The following PRRG1 variants were observed in gnomAD, a reference collection of about 807,000 sequenced individuals.
PRRG1 encodes proline rich and Gla domain 1.
In PRRG1, 5 loss-of-function variants were observed where a neutral mutation model predicts 11.8. The ratio of observed to expected loss-of-function variants is 0.42; its 90% CI spans 0.22 to 0.89. The LOEUF (loss-of-function observed/expected upper bound fraction) is 0.89, where lower values mean the gene tolerates loss of function less well. Ranked by LOEUF, PRRG1 falls within the 40% of genes least tolerant of loss-of-function variation. The probability of loss-of-function intolerance (pLI) is 0.28; values close to 1 mark genes in which losing one functional copy is unlikely to be tolerated. For missense variants in PRRG1, 155 were observed against 166.1 expected (o/e 0.93, Z 0.37); for synonymous variants, 66 against 60.4 (o/e 1.09, Z -0.43).
intron 1 of PRRG1, among the ~76,000 whole-genome samples, chrX:37,377,959 T>A (rs1556372871): frequency 9.0e-6 from 1 of 111,595 alleles, no homozygotes; most frequent in Non-Finnish European, 1.9e-5. Flanking sequence ...TGCAGCCTTT[T>A]TCTCCTTCAG....
chrX:37,395,377 G>A (rs782676633), intron 1 of PRRG1, among the ~76,000 whole-genome samples: 70 of 111,441 alleles, frequency 6.3e-4, no homozygotes, highest in African/African-American at 2.2e-3. Flanking sequence ...CACTTTGGGC[G>A]GCCAAGGCGG....
At chrX:37,375,411 C>T (rs202168755) in intron 1 of PRRG1, among the ~76,000 whole-genome samples, 2 of 111,115 alleles carry the variant, frequency 1.8e-5, no homozygotes, top group East Asian at 2.8e-4. Context: ...GAGTTTAACA[C>T]GCATGGATTC....
chrX:37,441,294 A>G, intron 3 of PRRG1: 1 of 759,942 alleles, frequency 1.3e-6, no homozygotes, highest in Non-Finnish European at 1.6e-6. Context: ...TTACTGCAAA[A>G]CTAAAAACTG....
chrX:37,452,528 A>G (rs1921180206), intron 3 of PRRG1, among the ~76,000 whole-genome samples: 1 of 112,147 alleles, frequency 8.9e-6, no homozygotes, highest in Non-Finnish European at 1.9e-5. Flanking sequence ...TAGCTTCTTC[A>G]CCAGCCTGAG....
Position 37,453,237 on chromosome X carries a change from C to T in PRRG1, c.273C>T (p.Leu91=), listed in dbSNP as rs1556397032. Residue 91 remains leucine (L), a synonymous_variant, in exon 4 of 4, where the codon CTC becomes CTT. Coordinates refer to ENST00000378628, the MANE Select transcript of PRRG1 (RefSeq NM_001142395.2). ...FYLTFPLIFG[L]FIILLVIFLI... ...TTACCTTTCCGTTAATCTTTGGCCT[C>T]TTCATTATCCTCCTTGTCATTTTCC... 8.3e-7 allele frequency: 1 copy of T among 1,210,756 alleles called. No homozygotes were observed. Among genetic ancestry groups the T allele is most frequent in the Middle Eastern group, 2.3e-4 (1 of 4,352 alleles).
intron 2 of PRRG1, among the ~76,000 whole-genome samples, chrX:37,410,088 AT>A (rs1556383364): frequency 8.9e-6 from 1 of 111,998 alleles, no homozygotes; most frequent in East Asian, 2.8e-4. Flanking sequence ...ACCAGTGTCC[AT>A]TGTGTGTGGC....
At chrX:37,443,530 A>G (rs1933023918) in intron 3 of PRRG1, among the ~76,000 whole-genome samples, 1 of 111,826 alleles carries the variant, frequency 8.9e-6, no homozygotes, top group South Asian at 3.8e-4. Flanking sequence ...AGCTCAGGGC[A>G]GCTAACATTT....
intron 2 of PRRG1, among the ~76,000 whole-genome samples, chrX:37,413,537 A>G (rs1480114869): frequency 9.0e-6 from 1 of 111,307 alleles, no homozygotes; most frequent in Non-Finnish European, 1.9e-5. Context: ...ATATGGTAAG[A>G]GTATGTTTAG....
chrX:37,451,566 A>C (rs1556396584), intron 3 of PRRG1, among the ~76,000 whole-genome samples: 1 of 111,902 alleles, frequency 8.9e-6, no homozygotes, highest in Non-Finnish European at 1.9e-5. Context: ...TCTAGACTCT[A>C]CTTTTTCTTC....
intron 1 of PRRG1, among the ~76,000 whole-genome samples, chrX:37,371,140 T>C: frequency 9.0e-6 from 1 of 111,711 alleles, no homozygotes; most frequent in East Asian, 2.8e-4. Context: ...ACTCATGGAC[T>C]AGTTAGTCAG....
chrX:37,374,981 G>A (rs1451576012), intron 1 of PRRG1, among the ~76,000 whole-genome samples: 1 of 111,698 alleles, frequency 9.0e-6, no homozygotes, highest in Non-Finnish European at 1.9e-5. Context: ...GGATTAAGCT[G>A]TGTTTAGTAT....
At chrX:37,438,781 G>A (rs978038802) in intron 3 of PRRG1, among the ~76,000 whole-genome samples, 11 of 111,284 alleles carry the variant, frequency 9.9e-5, no homozygotes, top group African/African-American at 3.3e-4. Flanking sequence ...TCTTCAATTC[G>A]TGCTATGTTA....
intron 1 of PRRG1, among the ~76,000 whole-genome samples, chrX:37,360,389 G>A (rs1185862136): frequency 9.0e-6 from 1 of 111,229 alleles, no homozygotes; most frequent in Non-Finnish European, 1.9e-5. Flanking sequence ...ATTTCTCTTG[G>A]GATTTTTTTC....
chrX:37,414,718 ACT>A (rs1932440599), intron 2 of PRRG1, among the ~76,000 whole-genome samples: 1 of 112,784 alleles, frequency 8.9e-6, no homozygotes, highest in East Asian at 2.8e-4. Context: ...AGATTCAATG[ACT>A]CTCAAAGATC....
At chrX:37,434,447 A>G (rs1242408925) in intron 3 of PRRG1, among the ~76,000 whole-genome samples, 1 of 112,069 alleles carries the variant, frequency 8.9e-6, no homozygotes, top group Non-Finnish European at 1.9e-5. Flanking sequence ...GGCTTATATG[A>G]GCATGCTGTA....
intron 2 of PRRG1, among the ~76,000 whole-genome samples, chrX:37,425,411 A>G (rs1932760591): frequency 9.0e-6 from 1 of 111,570 alleles, no homozygotes; most frequent in Admixed American, 9.6e-5. Flanking sequence ...TTATATTACT[A>G]GGTCAACTGA....
At chrX:37,360,527 AT>A (rs1930378127) in intron 1 of PRRG1, among the ~76,000 whole-genome samples, 2 of 112,151 alleles carry the variant, frequency 1.8e-5, no homozygotes, top group African/African-American at 6.5e-5. Context: ...ACATTGCATA[AT>A]TTCTATTCTT....
At chrX:37,374,766 C>T (rs1370957191) in intron 1 of PRRG1, among the ~76,000 whole-genome samples, 1 of 111,144 alleles carries the variant, frequency 9.0e-6, no homozygotes. Flanking sequence ...GCTGAGGCTT[C>T]CTATTTCTCT....
At chrX:37,402,332 C>CAG (rs1556380628) in intron 1 of PRRG1, among the ~76,000 whole-genome samples, 1 of 111,356 alleles carries the variant, frequency 9.0e-6, no homozygotes, top group African/African-American at 3.3e-5. Flanking sequence ...AATAATACTG[C>CAG]ATATCTACAA....
Sources: gnomAD v4.1 joint callset for allele counts (sites outside exome capture counted in the v4.1 genomes callset) on GRCh38, gnomAD v4.1.1 for gene constraint, MANE v1.5 for transcripts, NCBI Gene and HGNC (gene_info 2026-07-23, HGNC 2026-07-21) for gene names.